Variants in TOB2 observed in about 807,000 individuals in gnomAD.
TOB2 encodes the protein protein Tob2.
Under a neutral mutation model 17.3 loss-of-function variants are expected in TOB2, and 3 were observed. The ratio of observed to expected loss-of-function variants is 0.17; its 90% confidence interval spans 0.08 to 0.45. The LOEUF (loss-of-function observed/expected upper bound fraction) is 0.45, where lower values mean the gene tolerates loss of function less well. TOB2 is among the 20% of genes least tolerant of loss of function. The probability of loss-of-function intolerance (pLI) is 0.99; values close to 1 mark genes in which losing one functional copy is unlikely to be tolerated. For missense variants in TOB2, 407 were observed against 445.7 expected (o/e 0.91, Z 0.78); for synonymous variants, 163 against 185.6 (o/e 0.88, Z 0.99).
At chr22:41,443,773 G>T (rs967201053) in intron 1 of TOB2, among the ~76,000 whole-genome samples, 1 of 151,800 alleles carries the variant, frequency 6.6e-6, no homozygotes, top group Non-Finnish European at 1.5e-5. Flanking sequence ...ACAGGAATGC[G>T]CCACCACGCC....
In TOB2 at chr22:41,436,443, C is replaced by A; in HGVS notation, c.903G>T (p.Met301Ile). The A allele has an allele frequency of 6.2e-7, 1 of 1,614,222 alleles. No homozygotes were observed. Among genetic ancestry groups the A allele is most frequent in the Non-Finnish European group, 8.5e-7 (1 of 1,180,036 alleles). ...AGTCNSSSFD[M>I]AQVFGGGANS... ...TGGCACCACCTCCAAATACCTGGGC[C>A]ATGTCAAAGCTGCTGCTGTTGCAGG... is the stretch of plus-strand genomic sequence containing the variant. The change falls in exon 2 of 2, where the codon ATG (methionine) becomes ATT (isoleucine). Residue 301 changes from methionine to isoleucine, a missense_variant. Physicochemically the swap from Met to Ile is conservative, Grantham distance 10. Transcript: ENST00000327492. The surrounding 1 kb of genome is among the most constrained non-coding windows in gnomAD (Gnocchi z 4.8).
chr22:41,436,794 G>C lies in TOB2; in HGVS notation c.552C>G (p.Thr184=). 1 of 1,614,024 alleles carries C rather than the reference G, an allele frequency of 6.2e-7. No homozygotes were observed. Among genetic ancestry groups the C allele is most frequent in the South Asian group, 1.1e-5 (1 of 91,084 alleles). Residue 184 remains threonine (T), a synonymous_variant, in exon 2 of 2, where the codon ACC becomes ACG. Coordinates refer to ENST00000327492, the MANE Select transcript of TOB2 (RefSeq NM_016272.4). The surrounding 1 kb of genome is among the most constrained non-coding windows in gnomAD (Gnocchi z 4.8). ...TCTTCATCTTAGTGGAGCCAAATTT[G>C]GTGGCAGCGAAGGAGGCGGTGGTGA... is the stretch of plus-strand genomic sequence containing the variant. ...ITFTTASFAA[T]KFGSTKMKKG...
chr22:41,436,652 T>C lies in TOB2; in HGVS notation c.694A>G (p.Ser232Gly). 1.2e-6 allele frequency: 2 copies of C among 1,614,056 alleles called. No homozygotes were observed. The highest frequency in any genetic ancestry group is 1.7e-6 in the Non-Finnish European group (2 of 1,180,012). Residue 232 changes from serine (S) to glycine (G), a missense_variant, in exon 2 of 2, where the codon AGC (serine) becomes GGC (glycine). Coordinates refer to ENST00000327492, the MANE Select transcript of TOB2 (RefSeq NM_016272.4). This position sits in a 1 kb window ranked among gnomAD's most constrained non-coding sequence, Gnocchi z 4.8. ...AGTGAATGCATAGACAGAGAGAGGC[T>C]CTTGTGCTTCAGCAGGCTGTTGGTG... is the stretch of plus-strand genomic sequence containing the variant. ...SPTNSLLKHK[S>G]LSLSMHSLNF...
At position 41,433,782 on chromosome 22, in the gene TOB2, G is replaced by C; in HGVS notation, c.*2529C>G. 2.1e-6 allele frequency: 1 copy of C among 482,960 alleles called. No individual in the cohort carries two copies. The highest frequency in any genetic ancestry group is 1.5e-5 in the South Asian group (1 of 64,520). 29.9% of individuals were successfully genotyped at this position (482,960 alleles called of 1,614,324 possible). ...TAGAGAATCTATAACTCACTGCATTGAGAAAAACACATCATTCTGGACTAA... is the reference window on the plus strand; with the variant it reads ...TAGAGAATCTATAACTCACTGCATTCAGAAAAACACATCATTCTGGACTAA... On this transcript the variant is annotated 3_prime_UTR_variant, in exon 2 of 2. Coordinates refer to ENST00000327492, the MANE Select transcript of TOB2 (RefSeq NM_016272.4).
intron 1 of TOB2, among the ~76,000 whole-genome samples, chr22:41,444,678 G>C (rs576921304): frequency 6.6e-6 from 1 of 152,296 alleles, no homozygotes; most frequent in South Asian, 2.1e-4. Context: ...CCCTCCCATC[G>C]CCTAATACAT....
Position 41,436,870 on chromosome 22 carries a change from C to A in TOB2, c.476G>T (p.Gly159Val). The change falls in exon 2 of 2, where the codon GGC becomes GTC. Residue 159 changes from glycine (G) to valine (V), a missense_variant. Physicochemically the swap from Gly to Val is moderately radical, Grantham distance 109 (BLOSUM62 -3). Coordinates refer to ENST00000327492, the MANE Select transcript of TOB2 (RefSeq NM_016272.4). This position sits in a 1 kb window ranked among gnomAD's most constrained non-coding sequence, Gnocchi z 4.8. ...SLSNSPSPSF[G>V]QSPSPTFIPR... Reference sequence around the variant, plus strand: ...AATGAAGGTAGGGCTGGGTGACTGGCCAAAGGATGGCGATGGGGAGTTGGA... The same window carrying A: ...AATGAAGGTAGGGCTGGGTGACTGGACAAAGGATGGCGATGGGGAGTTGGA... 2 of 1,614,154 alleles carry A rather than the reference C, an allele frequency of 1.2e-6. No individual in the cohort carries two copies.
chr22:41,445,117 C>T (rs2037668033), intron 1 of TOB2, among the ~76,000 whole-genome samples: 1 of 152,246 alleles, frequency 6.6e-6, no homozygotes. Flanking sequence ...CAGCAGGGCC[C>T]AAGCCTCACC....
intron 1 of TOB2, among the ~76,000 whole-genome samples, chr22:41,445,926 A>G (rs1273104449): frequency 6.6e-6 from 1 of 152,150 alleles, no homozygotes; most frequent in Non-Finnish European, 1.5e-5. Context: ...AATAGAGTCT[A>G]TTAACAATTA....
chr22:41,436,377 G>A lies in TOB2; in HGVS notation c.969C>T (p.Leu323=). ...ACTGCATGGTGTTCAGGTTGTAGCT[G>A]AGGCCTTCCACAAAGGGTGTCTTCT... ...FLEKTPFVEG[L]SYNLNTMQYP... Residue 323 remains leucine (L), a synonymous_variant, in exon 2 of 2, where the codon CTC becomes CTT. Transcript: ENST00000327492. The surrounding 1 kb of genome is among the most constrained non-coding windows in gnomAD (Gnocchi z 4.8). The A allele has an allele frequency of 6.2e-7, 1 of 1,613,202 alleles. No individual in the cohort carries two copies. Among genetic ancestry groups the A allele is most frequent in the Non-Finnish European group, 8.5e-7 (1 of 1,179,476 alleles).
chr22:41,444,459 T>C (rs2146040829), intron 1 of TOB2, among the ~76,000 whole-genome samples: 1 of 152,326 alleles, frequency 6.6e-6, no homozygotes, highest in East Asian at 1.9e-4. Context: ...GAGGGCCCGC[T>C]CTGCACTCTG....
chr22:41,439,345 C>T (rs1374853163), intron 1 of TOB2, among the ~76,000 whole-genome samples: 1 of 152,174 alleles, frequency 6.6e-6, no homozygotes, highest in African/African-American at 2.4e-5. Context: ...CTTTCTGGAT[C>T]CAGCTTGAAG....
intron 1 of TOB2, among the ~76,000 whole-genome samples, chr22:41,440,918 G>T (rs933580225): frequency 4.6e-5 from 7 of 151,454 alleles, no homozygotes; most frequent in Admixed American, 1.3e-4. Context: ...ATGTCACCCA[G>T]GCTGTTCTTG....
chr22:41,439,540 G>A (rs79005), intron 1 of TOB2, among the ~76,000 whole-genome samples: 113,434 of 151,656 alleles, frequency 0.75, 43,035 homozygotes, highest in East Asian at 0.95. Flanking sequence ...TGTGGAGACT[G>A]AGTCTCGTTC....
intron 1 of TOB2, among the ~76,000 whole-genome samples, 180 bp from the exon 2 acceptor site, chr22:41,437,587 T>G (rs895189748): frequency 6.6e-6 from 1 of 152,108 alleles, no homozygotes; most frequent in African/African-American, 2.4e-5. Context: ...GAGGCCATCA[T>G]GAAGTTAAGG....
In TOB2 at chr22:41,436,984, C is replaced by A. The variant is rs2037559006; in HGVS notation, c.362G>T (p.Gly121Val). 6.2e-7 allele frequency: 1 copy of A among 1,614,170 alleles called. No individual in the cohort carries two copies. The highest frequency in any genetic ancestry group is 8.5e-7 in the Non-Finnish European group (1 of 1,180,034). ...GATCTCCTTGTCCAGCTCTGGGGCA[C>A]CGCAACCCTCACTGTCATCCAGGTA... ...VLYLDDSEGC[G>V]APELDKEIKS... The change falls in exon 2 of 2, where the codon GGT becomes GTT. Residue 121 changes from glycine to valine, a missense_variant. Physicochemically the swap from Gly to Val is moderately radical, Grantham distance 109. Coordinates refer to ENST00000327492, the MANE Select transcript of TOB2 (RefSeq NM_016272.4). The surrounding 1 kb of genome is among the most constrained non-coding windows in gnomAD (Gnocchi z 4.8).
chr22:41,436,113 C>A lies in TOB2; in HGVS notation c.*198G>T. 2.0e-6 allele frequency: 1 copy of A among 512,740 alleles called. No individual in the cohort carries two copies. Among genetic ancestry groups the A allele is most frequent in the Non-Finnish European group, 3.1e-6 (1 of 318,990 alleles). The allele number at this position is 512,740 out of a possible 1,614,324, so 31.8% of individuals were successfully genotyped here. The stretch of plus-strand genomic sequence containing the variant: ...AATAAATCACAGGCCGGTGGGCGAG[C>A]GGTAAGGGGTGAGTGAAACACACTT... On this transcript the variant is annotated 3_prime_UTR_variant, in exon 2 of 2. Coordinates refer to ENST00000327492, the MANE Select transcript of TOB2 (RefSeq NM_016272.4). The surrounding 1 kb of genome is among the most constrained non-coding windows in gnomAD (Gnocchi z 4.8).
chr22:41,437,971 A>C (rs886407447), intron 1 of TOB2, among the ~76,000 whole-genome samples: 5 of 151,232 alleles, frequency 3.3e-5, no homozygotes, highest in Admixed American at 6.6e-5. Flanking sequence ...AAAAAAAAAA[A>C]AAAAAGCTAC....
chr22:41,436,045 G>GAA lies in TOB2; in HGVS notation c.*264_*265dup, dbSNP rs75986371. 148 of 306,306 alleles carry GAA rather than the reference G, an allele frequency of 4.8e-4. No individual in the cohort carries two copies. The highest frequency in any genetic ancestry group is 6.3e-4 in the Non-Finnish European group (107 of 170,482). The allele number at this position is 306,306 out of a possible 1,614,324, so 19.0% of individuals were successfully genotyped here. A position where few individuals can be genotyped will look rare whatever the true frequency, so the allele number is the denominator to read the frequency against. ...ATGTTATATAGAAAACTACATGTAA[G>GAA]AAAAAAAAAAAAGAAAAAGAAATAT... On this transcript the variant is annotated 3_prime_UTR_variant, in exon 2 of 2. Transcript: ENST00000327492. The surrounding 1 kb of genome is among the most constrained non-coding windows in gnomAD (Gnocchi z 4.8).
At chr22:41,438,921 GGCA>G (rs1392531376) in intron 1 of TOB2, among the ~76,000 whole-genome samples, 4 of 152,038 alleles carry the variant, frequency 2.6e-5, no homozygotes, top group African/African-American at 9.7e-5. Flanking sequence ...ACCTGTCCTC[GGCA>G]GCAGATCAGA....
Sources: allele counts gnomAD v4.1 joint callset (sites outside exome capture counted in the v4.1 genomes callset), GRCh38; gene constraint gnomAD v4.1.1; non-coding constraint Gnocchi (gnomAD v3.1); transcripts MANE v1.5; gene names NCBI Gene and HGNC (gene_info 2026-07-23, HGNC 2026-07-21).